KLHL30: variants seen among roughly 807,000 people sequenced by gnomAD.
KLHL30 encodes kelch like family member 30.
A neutral mutation model predicts 55.0 loss-of-function variants in KLHL30; 55 were observed. That is an observed-to-expected ratio of 1.00 (90% CI 0.80 to 1.25). KLHL30 has a LOEUF of 1.25. KLHL30 is among the 50% of genes most tolerant of loss of function. The pLI is 0.00. For synonymous variants in KLHL30, 356 were observed against 372.6 expected (o/e 0.96, Z 0.51); for missense variants, 786 against 811.6 (o/e 0.97, Z 0.38).
chr2:238,151,914 C>T lies in KLHL30; in HGVS notation c.*849C>T, dbSNP rs534548150. 2.0e-6 allele frequency: 2 copies of T among 985,496 alleles called. No individual in the cohort carries two copies. The highest frequency in any genetic ancestry group is 4.7e-5 in the South Asian group (1 of 21,288). 61.0% of individuals were successfully genotyped at this position (985,496 alleles called of 1,614,324 possible). A position where few individuals can be genotyped will look rare whatever the true frequency, so the allele number is the denominator to read the frequency against. ...CTCTTGGGTGCATTGGTGGCAGCCT[C>T]CTGAGGGTGAGGGGTAGCATCCGAT... On this transcript the variant is annotated 3_prime_UTR_variant, in exon 8 of 8. Transcript: ENST00000409223.
rs770052555 is a variant in KLHL30 at position 238,150,942 on chromosome 2, G to T, written c.1614G>T (p.Thr538=). ...ACGTGGAGATGGAGGCCTACGACAC[G>T]GTTCGGGACACCTGGACCCGCCACG... is the stretch of plus-strand genomic sequence containing the variant. ...DYHVEMEAYD[T]VRDTWTRHGA... is the part of the protein sequence containing the mutation. Residue 538 remains threonine (T), a synonymous_variant, in exon 8 of 8, where the codon ACG becomes ACT. Coordinates refer to ENST00000409223, the MANE Select transcript of KLHL30 (RefSeq NM_198582.4). 1.3e-6 allele frequency: 2 copies of T among 1,586,140 alleles called. No homozygotes were observed. The highest frequency in any genetic ancestry group is 1.7e-6 in the Non-Finnish European group (2 of 1,167,692).
intron 2 of KLHL30, among the ~76,000 whole-genome samples, chr2:238,142,468 G>T (rs1006669161): frequency 1.3e-5 from 2 of 152,174 alleles, no homozygotes; most frequent in African/African-American, 4.8e-5. Flanking sequence ...CTTACCGGCC[G>T]TTCCTAAGAC....
In KLHL30 at chr2:238,151,081, C is replaced by T. The variant is rs1692748136; in HGVS notation, c.*16C>T. ...GGAGCACTAAACCAGGGCCAGGGTC[C>T]CCGGGGAGGAGTCCCCACAGCGGCC... is the stretch of plus-strand genomic sequence containing the variant. On this transcript the variant is annotated 3_prime_UTR_variant, in exon 8 of 8. Transcript: ENST00000409223. The T allele has an allele frequency of 1.3e-6, 2 of 1,572,496 alleles. No individual in the cohort carries two copies. The highest frequency in any genetic ancestry group is 2.0e-4 in the Middle Eastern group (1 of 5,058).
chr2:238,139,283 G>C (rs188841888), intron 1 of KLHL30, among the ~76,000 whole-genome samples: 10 of 152,314 alleles, frequency 6.6e-5, no homozygotes, highest in Middle Eastern at 3.4e-3. Context: ...GCCTGCAGGC[G>C]GTGGCCCAGG....
At chr2:238,143,056 T>G (rs1692571238) in intron 3 of KLHL30, 125 bp downstream of exon 3, 2 of 1,198,392 alleles carry the variant, frequency 1.7e-6, no homozygotes, top group African/African-American at 1.6e-5. Context: ...GAGGCCCCTG[T>G]GAGGGGCGTG....
chr2:238,143,236 G>T (rs1692575294), intron 3 of KLHL30, among the ~76,000 whole-genome samples: 1 of 152,170 alleles, frequency 6.6e-6, no homozygotes, highest in Non-Finnish European at 1.5e-5. Context: ...GCACCCTGTG[G>T]GGTGGGCGGC....
chr2:238,144,432 A>AAGGAAGGAAGGAAGGAAGGC (rs1692608040), intron 3 of KLHL30, among the ~76,000 whole-genome samples: 38 of 82,418 alleles, frequency 4.6e-4, no homozygotes, highest in South Asian at 8.3e-4. Flanking sequence ...GGAAGGAAGG[A>AAGGAAGGAAGGAAGGAAGGC]AGGCAGGCAG....
At chr2:238,139,561 C>T (rs1232211674) in intron 1 of KLHL30, among the ~76,000 whole-genome samples, 3 of 152,156 alleles carry the variant, frequency 2.0e-5, no homozygotes, top group South Asian at 2.1e-4. Context: ...GAGGTGGCAC[C>T]GGGGTCGGGA....
In KLHL30 at chr2:238,150,980, GGCTC is replaced by G; in HGVS notation, c.1653_1656del (p.Leu552GlyfsTer157). ...TGGACCCGCCACGGCGCCCTGCCCC[GGCTC>G]TGGCTCTACCACGGGGCCTCCACCG... On this transcript the variant is annotated frameshift_variant, in exon 8 of 8. Transcript: ENST00000409223. LOFTEE classifies it high-confidence loss of function. 1 of 1,590,202 alleles carries G rather than the reference GGCTC, an allele frequency of 6.3e-7. No individual in the cohort carries two copies. The highest frequency in any genetic ancestry group is 8.5e-7 in the Non-Finnish European group (1 of 1,169,684).
At position 238,152,640 on chromosome 2, in the gene KLHL30, A is replaced by C. The variant is rs1692779027; in HGVS notation, c.*1575A>C. ...CGCCTCAGCCTCCCAAAGTGCTGGG[A>C]TTACAAGGTGTGGGAGAAGTGAGTT... On this transcript the variant is annotated 3_prime_UTR_variant, in exon 8 of 8. Coordinates refer to ENST00000409223, the MANE Select transcript of KLHL30 (RefSeq NM_198582.4). The C allele has an allele frequency of 6.6e-6, 1 of 152,252 alleles. No homozygotes were observed. Among genetic ancestry groups the C allele is most frequent in the African/African-American group, 2.4e-5 (1 of 41,420 alleles). The allele number at this position is 152,252 out of a possible 1,614,324, so 9.4% of individuals were successfully genotyped here.
At chr2:238,141,586 C>A (rs1239029359) in intron 2 of KLHL30, 58 bp downstream of exon 2, 3 of 1,421,006 alleles carry the variant, frequency 2.1e-6, no homozygotes, top group Non-Finnish European at 2.8e-6. Flanking sequence ...GCCCCAGAGA[C>A]CCCACCTGAG....
Position 238,144,916 on chromosome 2 carries a change from C to G in KLHL30, c.922C>G (p.Leu308Val). 1 of 1,610,706 alleles carries G rather than the reference C, an allele frequency of 6.2e-7. No homozygotes were observed. Among genetic ancestry groups the G allele is most frequent in the Non-Finnish European group, 8.5e-7 (1 of 1,178,606 alleles). Residue 308 changes from leucine to valine, a missense_variant, in exon 4 of 8, where the codon CTT (leucine) becomes GTT (valine). Leu to Val is a conservative substitution (Grantham distance 32, BLOSUM62 1). Coordinates refer to ENST00000409223, the MANE Select transcript of KLHL30 (RefSeq NM_198582.4). ...YNSKAKRWMALPDFPDYHKWG... is the reference protein window; with the variant it reads ...YNSKAKRWMAVPDFPDYHKWG... ...CTTCCTGCCAGAGAGGTGGATGGCACTTCCAGACTTCCCCGACTATCACAA... is the reference window on the plus strand; with the variant it reads ...CTTCCTGCCAGAGAGGTGGATGGCAGTTCCAGACTTCCCCGACTATCACAA...
Position 238,149,014 on chromosome 2 carries a change from G to C in KLHL30, c.1347G>C (p.Trp449Cys), listed in dbSNP as rs909910407. The change falls in exon 7 of 8, where the codon TGG (tryptophan) becomes TGC (cysteine). Residue 449 changes from tryptophan (W) to cysteine (C), a missense_variant. Transcript: ENST00000409223. Reference protein sequence around the residue: ...LQCYNPVTDAWSVIASPFLPK... With the variant: ...LQCYNPVTDACSVIASPFLPK... ...TGCCCGTGCCCCCCACAGATGCGTG[G>C]AGTGTGATCGCCTCGCCCTTCCTGC... 3 of 1,599,804 alleles carry C rather than the reference G, an allele frequency of 1.9e-6. No individual in the cohort carries two copies. Among genetic ancestry groups the C allele is most frequent in the Middle Eastern group, 3.3e-4 (2 of 6,078 alleles).
rs755446211 is a variant in KLHL30, at chr2:238,141,037, C to T, written c.283C>T (p.Arg95Trp). 28 of 1,612,238 alleles carry T rather than the reference C, an allele frequency of 1.7e-5. No individual in the cohort carries two copies. The highest frequency in any genetic ancestry group is 8.0e-5 in the African/African-American group (6 of 75,064). The change falls in exon 2 of 8, where the codon CGG (arginine) becomes TGG (tryptophan). Residue 95 changes from arginine (R) to tryptophan (W), a missense_variant. Coordinates refer to ENST00000409223, the MANE Select transcript of KLHL30 (RefSeq NM_198582.4). ...ACTGGTGGACTTCGTGTACACAGGC[C>T]GGCTGACCATCACGCAGGGCAACGT... ...GQLVDFVYTG[R>W]LTITQGNVEA...
At chr2:238,145,612 T>G in intron 4 of KLHL30, 65 bp from the exon 5 acceptor site, 2 of 1,531,832 alleles carry the variant, frequency 1.3e-6, no homozygotes, top group Non-Finnish European at 1.8e-6. Flanking sequence ...GACATTGGTA[T>G]CCACACCCCA....
In KLHL30 at chr2:238,149,090, C is replaced by A; in HGVS notation, c.1423C>A (p.Leu475Ile). Residue 475 changes from leucine (L) to isoleucine (I), a missense_variant, in exon 7 of 8, where the codon CTC becomes ATC. Leu to Ile is a conservative substitution (Grantham distance 5, BLOSUM62 2). Coordinates refer to ENST00000409223, the MANE Select transcript of KLHL30 (RefSeq NM_198582.4). ...RCAALHGELY[L>I]IGDNTKKVYV... ...TGCTGCACTGCACGGGGAGCTCTAC[C>A]TCATTGGGGACAACACCAAGAAGGT... is the stretch of plus-strand genomic sequence containing the variant. 6.2e-7 allele frequency: 1 copy of A among 1,613,274 alleles called. No individual in the cohort carries two copies. Among genetic ancestry groups the A allele is most frequent in the Non-Finnish European group, 8.5e-7 (1 of 1,179,858 alleles).
In KLHL30 at chr2:238,141,137, A is replaced by G; in HGVS notation, c.383A>G (p.Gln128Arg). 1 of 1,611,632 alleles carries G rather than the reference A, an allele frequency of 6.2e-7. No homozygotes were observed. Among genetic ancestry groups the G allele is most frequent in the East Asian group, 2.2e-5 (1 of 44,834 alleles). ...AAGGTCTGCGGCCGCTACCTGCAGC[A>G]GCAACTGGATGCCGCCAACTGCCTG... ...VQKVCGRYLQ[Q>R]QLDAANCLGI... The change falls in exon 2 of 8, where the codon CAG becomes CGG. Residue 128 changes from glutamine to arginine, a missense_variant. By Grantham distance (43) the Gln-to-Arg change is conservative. Coordinates refer to ENST00000409223, the MANE Select transcript of KLHL30 (RefSeq NM_198582.4).
chr2:238,148,901 G>A (rs1692696788), intron 6 of KLHL30, 106 bp from the exon 7 acceptor site: 1 of 1,151,122 alleles, frequency 8.7e-7, no homozygotes, highest in African/African-American at 1.5e-5. Context: ...CAGGTTCACT[G>A]AGGTTCAGAG....
chr2:238,142,849 C>A lies in KLHL30; in HGVS notation c.825C>A (p.Gly275=). ...TGGAGGAGGTCCTGGTGGTGGTGGG[C>A]GGGCAGGCGCTGGAGGAGGAGGAGG... ...QKLEEVLVVV[G]GQALEEEEAG... Residue 275 remains glycine, a synonymous_variant, in exon 3 of 8, where the codon GGC becomes GGA. Coordinates refer to ENST00000409223, the MANE Select transcript of KLHL30 (RefSeq NM_198582.4). 1 of 1,459,876 alleles carries A rather than the reference C, an allele frequency of 6.8e-7. No homozygotes were observed. The highest frequency in any genetic ancestry group is 9.0e-7 in the Non-Finnish European group (1 of 1,112,946). 90.4% of individuals were successfully genotyped at this position (1,459,876 alleles called of 1,614,324 possible).
Sources: gnomAD v4.1 joint callset for allele counts (sites outside exome capture counted in the v4.1 genomes callset) on GRCh38, gnomAD v4.1.1 for gene constraint, MANE v1.5 for transcripts, NCBI Gene and HGNC (gene_info 2026-07-23, HGNC 2026-07-21) for gene names.